Variants in ZNF407 observed in about 807,000 individuals in gnomAD.
ZNF407 encodes the protein zinc finger protein 407.
In ZNF407, 17 loss-of-function variants were observed where a neutral mutation model predicts 131.2. The observed-to-expected ratio is 0.13, with a 90% CI of 0.09 to 0.19. The LOEUF (loss-of-function observed/expected upper bound fraction) is 0.19. ZNF407 is among the 10% of genes least tolerant of loss of function. The pLI, the probability that ZNF407 is intolerant of heterozygous loss-of-function variation, is 1.00. For missense variants in ZNF407, 2,681 were observed against 2,830.6 expected, an observed-to-expected ratio of 0.95 and a Z score of 1.20; for synonymous variants, 1,156 against 1,062.0, an observed-to-expected ratio of 1.09 and a Z score of -1.72.
At chr18:74,637,928 G>A (rs1984532801) in intron 2 of ZNF407, among the ~76,000 whole-genome samples, 1 of 152,202 alleles carries the variant, frequency 6.6e-6, no homozygotes, top group East Asian at 1.9e-4. Context: ...CTCCCCGTGT[G>A]CATGCTACTA....
chr18:74,882,180 T>C (rs961355821), intron 6 of ZNF407, among the ~76,000 whole-genome samples: 20 of 152,222 alleles, frequency 1.3e-4, no homozygotes, highest in African/African-American at 4.8e-4. Flanking sequence ...ATTTATCAAA[T>C]TGTATTGCCT....
chr18:74,693,006 G>A (rs1967264948), intron 3 of ZNF407, among the ~76,000 whole-genome samples: 1 of 152,234 alleles, frequency 6.6e-6, no homozygotes, highest in Non-Finnish European at 1.5e-5. Context: ...ATCTGTGCCA[G>A]TAGAGGTCTG....
At chr18:74,600,652 T>C (rs1206879508) in intron 1 of ZNF407, among the ~76,000 whole-genome samples, 1 of 152,108 alleles carries the variant, frequency 6.6e-6, no homozygotes, top group Admixed American at 6.5e-5. Flanking sequence ...CAAGAGGGAA[T>C]GGCGACCAGA....
At chr18:74,915,644 A>ATGTGTG (rs1158997103) in intron 7 of ZNF407, among the ~76,000 whole-genome samples, 1 of 63,894 alleles carries the variant, frequency 1.6e-5, no homozygotes, top group Non-Finnish European at 2.9e-5. Context: ...GTGTGCGTGC[A>ATGTGTG]TGTGTGTGCT....
In ZNF407 at chr18:75,063,051, T is replaced by A; in HGVS notation, c.5429-99T>A. 8.8e-7 allele frequency: 1 copy of A among 1,137,640 alleles called. No homozygotes were observed. Among genetic ancestry groups the A allele is most frequent in the Non-Finnish European group, 1.3e-6 (1 of 795,248 alleles). 70.5% of individuals were successfully genotyped at this position (1,137,640 alleles called of 1,614,324 possible). On this transcript the variant is annotated intron_variant, in intron 8 of 8. Transcript: ENST00000299687. This position sits in a 1 kb window ranked among gnomAD's most constrained non-coding sequence, Gnocchi z 6.6. ...CAGGGTTTGGAATAGGGGGTCGTGG[T>A]GACTCTGCTGAGGCCTGAGCGCTTC... is the stretch of plus-strand genomic sequence containing the variant.
chr18:74,933,036 T>C (rs901127166), intron 8 of ZNF407, among the ~76,000 whole-genome samples: 4 of 152,176 alleles, frequency 2.6e-5, no homozygotes, highest in Admixed American at 6.5e-5. Flanking sequence ...GCAGTTCCAC[T>C]TTGGGATAGA....
intron 1 of ZNF407, among the ~76,000 whole-genome samples, chr18:74,611,301 A>G (rs749596801): frequency 1.3e-5 from 2 of 152,232 alleles, no homozygotes; most frequent in Admixed American, 6.5e-5. Context: ...ACTAATGTTG[A>G]TATAGCTTTT....
chr18:74,815,479 C>A (rs990558519), intron 4 of ZNF407, among the ~76,000 whole-genome samples: 5 of 152,262 alleles, frequency 3.3e-5, no homozygotes, highest in Admixed American at 1.3e-4. Context: ...TTCCCCTAAT[C>A]TCCAGGAGAA....
chr18:74,900,477 G>A (rs766815859), intron 7 of ZNF407, among the ~76,000 whole-genome samples: 177 of 152,302 alleles, frequency 1.2e-3, no homozygotes, highest in Non-Finnish European at 1.8e-3. Flanking sequence ...CATGTGGAGC[G>A]TTCTTACAGA....
intron 8 of ZNF407, among the ~76,000 whole-genome samples, chr18:74,981,758 G>T (rs916375733): frequency 1.9e-4 from 29 of 152,158 alleles, no homozygotes; most frequent in Admixed American, 6.5e-5. Flanking sequence ...GAGCATGGTG[G>T]TTTCATTTCA....
chr18:74,794,207 G>A (rs1362419991), intron 4 of ZNF407, among the ~76,000 whole-genome samples: 1 of 152,168 alleles, frequency 6.6e-6, no homozygotes, highest in African/African-American at 2.4e-5. Context: ...CCGCATACAT[G>A]ATGTCAGCGT....
chr18:74,660,538 C>T (rs1238678951), intron 3 of ZNF407, among the ~76,000 whole-genome samples: 1 of 152,046 alleles, frequency 6.6e-6, no homozygotes, highest in East Asian at 1.9e-4. Flanking sequence ...ATTTTTGTTG[C>T]AGTTTTTTAA....
At chr18:75,023,440 A>G (rs547073112) in intron 8 of ZNF407, among the ~76,000 whole-genome samples, 4 of 152,176 alleles carry the variant, frequency 2.6e-5, no homozygotes. Flanking sequence ...TAGTATGTAT[A>G]TTACATGTAA....
intron 3 of ZNF407, among the ~76,000 whole-genome samples, chr18:74,738,885 T>G (rs535893261): frequency 6.6e-6 from 1 of 152,288 alleles, no homozygotes; most frequent in African/African-American, 2.4e-5. Flanking sequence ...TAAGTTTGTT[T>G]AAGGAGATTT....
intron 6 of ZNF407, among the ~76,000 whole-genome samples, chr18:74,882,430 G>T (rs1156429718): frequency 6.6e-6 from 1 of 152,146 alleles, no homozygotes; most frequent in Non-Finnish European, 1.5e-5. Context: ...AAAATGGCAT[G>T]AAATTAAAAT....
chr18:74,922,925 T>G (rs572625033), intron 8 of ZNF407, among the ~76,000 whole-genome samples: 28 of 152,294 alleles, frequency 1.8e-4, no homozygotes, highest in African/African-American at 6.5e-4. Flanking sequence ...GGGTCTCAGT[T>G]TTCCTCTGAA....
At chr18:74,928,921 G>A (rs1183379183) in intron 8 of ZNF407, among the ~76,000 whole-genome samples, 1 of 152,000 alleles carries the variant, frequency 6.6e-6, no homozygotes, top group African/African-American at 2.4e-5. Context: ...TTTTAAAACT[G>A]TTTTTTTAAA....
chr18:74,939,222 C>A (rs1375588611), intron 8 of ZNF407, among the ~76,000 whole-genome samples: 4 of 152,102 alleles, frequency 2.6e-5, no homozygotes, highest in African/African-American at 9.7e-5. Flanking sequence ...TTTACTCTTA[C>A]TTTGTTTTGT....
chr18:75,024,326 G>A (rs560995697), intron 8 of ZNF407, among the ~76,000 whole-genome samples: 3 of 152,218 alleles, frequency 2.0e-5, no homozygotes, highest in Non-Finnish European at 2.9e-5. Flanking sequence ...TATGTCTGTT[G>A]ATTAATTCAT....
Sources: allele counts gnomAD v4.1 joint callset (sites outside exome capture counted in the v4.1 genomes callset), GRCh38; gene constraint gnomAD v4.1.1; non-coding constraint Gnocchi (gnomAD v3.1); transcripts MANE v1.5; gene names NCBI Gene and HGNC (gene_info 2026-07-23, HGNC 2026-07-21).